WDR20: variants seen among roughly 807,000 people sequenced by gnomAD.
The protein encoded by WDR20 is WD repeat domain 20.
In WDR20, 3 loss-of-function variants were observed where a neutral mutation model predicts 38.7. The ratio of observed to expected loss-of-function variants is 0.08; its 90% CI spans 0.04 to 0.20. The LOEUF (loss-of-function observed/expected upper bound fraction) is 0.20, where lower values mean the gene tolerates loss of function less well. WDR20 is among the 10% of genes least tolerant of loss of function. The pLI, the probability that WDR20 is intolerant of heterozygous loss-of-function variation, is 1.00. For synonymous variants in WDR20, 298 were observed against 285.6 expected (o/e 1.04, Z -0.44); for missense variants, 559 against 727.7 (o/e 0.77, Z 2.67).
upstream of WDR20, chr14:102,139,453 G>T (rs900989896): frequency 6.7e-7 from 1 of 1,490,110 alleles, no homozygotes; most frequent in Non-Finnish European, 8.9e-7. Context: ...AGCGGTGGCC[G>T]TCGGGGTGGC....
In WDR20 at chr14:102,209,038, T is replaced by A. The variant is rs764958247; in HGVS notation, c.868T>A (p.Ser290Thr). Residue 290 changes from serine (S) to threonine (T), a missense_variant, in exon 3 of 3, where the codon TCC becomes ACC. Coordinates refer to ENST00000342702, the MANE Select transcript of WDR20 (RefSeq NM_144574.4). The surrounding 1 kb of genome is among the most constrained non-coding windows in gnomAD (Gnocchi z 6.0). ...GGEDDLVTVW[S>T]FVDCRVIARG... ...GGAGGACGACTTGGTGACAGTCTGG[T>A]CCTTTGTAGACTGCCGAGTAATAGC... is the stretch of plus-strand genomic sequence containing the variant. 3.1e-6 allele frequency: 5 copies of A among 1,614,114 alleles called. No homozygotes were observed.
At chr14:102,216,887 G>A (rs908155858), downstream of WDR20, among the ~76,000 whole-genome samples, 1 of 152,028 alleles carries the variant, frequency 6.6e-6, no homozygotes, top group African/African-American at 2.4e-5. Flanking sequence ...GAGTCGAGAT[G>A]GCGCCACTGC....
At chr14:102,172,720 A>C (rs1409142939) in intron 1 of WDR20, among the ~76,000 whole-genome samples, 6 of 132,140 alleles carry the variant, frequency 4.5e-5, no homozygotes, top group East Asian at 2.3e-4. Flanking sequence ...GCTGACCCCC[A>C]CCTCCCTCCC....
In WDR20 at chr14:102,221,008, C is replaced by T. The variant is rs1246214203; in HGVS notation, c.1693-1822C>T. Among the ~76,000 whole-genome samples the T allele has an allele frequency of 6.6e-6, 1 of 152,218 alleles. No homozygotes were observed. Among genetic ancestry groups the T allele is most frequent in the African/African-American group, 2.4e-5 (1 of 41,458 alleles). Reference sequence around the variant, plus strand: ...TCTCAGACTCCTGGGCTCAAGTAATCTCCCCACCTCAGCCTCCCACAGGGC... The same window carrying T: ...TCTCAGACTCCTGGGCTCAAGTAATTTCCCCACCTCAGCCTCCCACAGGGC... On this transcript the variant is annotated intron_variant, in intron 3 of 3. Transcript: ENST00000335263. The surrounding 1 kb of genome is among the most constrained non-coding windows in gnomAD (Gnocchi z 4.8).
chr14:102,146,554 A>G (rs1263534682), intron 1 of WDR20, among the ~76,000 whole-genome samples: 2 of 152,174 alleles, frequency 1.3e-5, no homozygotes, highest in African/African-American at 4.8e-5. Flanking sequence ...ATCCTGATTA[A>G]AGAAGAAGGT....
intron 1 of WDR20, among the ~76,000 whole-genome samples, chr14:102,173,936 C>G (rs1013126434): frequency 1.3e-5 from 2 of 151,162 alleles, no homozygotes; most frequent in South Asian, 4.2e-4. Context: ...CTCAGCTACT[C>G]GGGAGGCTGA....
chr14:102,192,128 T>A lies in WDR20; in HGVS notation c.250-2810T>A, dbSNP rs2152932953. On this transcript the variant is annotated intron_variant, in intron 1 of 2. Coordinates refer to ENST00000342702, the MANE Select transcript of WDR20 (RefSeq NM_144574.4). ...CAAGAGCAGTGACCTAAGAAGAAAGTTTGTTAAGCAAATTAGTAGAATAAA... is the reference window on the plus strand; with the variant it reads ...CAAGAGCAGTGACCTAAGAAGAAAGATTGTTAAGCAAATTAGTAGAATAAA... Among the ~76,000 whole-genome samples, 5 of 152,190 alleles carry A rather than the reference T, an allele frequency of 3.3e-5. No homozygotes were observed. In the Middle Eastern group the frequency reaches 0.017, roughly 518 times the overall value.
chr14:102,210,480 C>G lies in WDR20; in HGVS notation c.*600C>G. ...CTTAATTTTTAAAACCCATTTTAGT[C>G]ATTTTATGACAATTAAAGTTGTTTA... On this transcript the variant is annotated 3_prime_UTR_variant, in exon 3 of 3. Coordinates refer to ENST00000342702, the MANE Select transcript of WDR20 (RefSeq NM_144574.4). 1 of 985,250 alleles carries G rather than the reference C, an allele frequency of 1.0e-6. No individual in the cohort carries two copies. The highest frequency in any genetic ancestry group is 1.2e-6 in the Non-Finnish European group (1 of 829,774). The allele number at this position is 985,250 out of a possible 1,614,324, so 61.0% of individuals were successfully genotyped here.
chr14:102,151,829 T>G (rs1260036439), intron 1 of WDR20, among the ~76,000 whole-genome samples: 1 of 151,918 alleles, frequency 6.6e-6, no homozygotes, highest in Non-Finnish European at 1.5e-5. Context: ...AGCCTCAACC[T>G]TCTGGGCCCA....
downstream of WDR20, among the ~76,000 whole-genome samples, chr14:102,224,105 A>T (rs866019006): frequency 1.4e-5 from 2 of 145,448 alleles, no homozygotes; most frequent in African/African-American, 2.6e-5. Flanking sequence ...GCAGTGGCGC[A>T]ATCTCGGCTC....
chr14:102,186,950 AG>A (rs1480579496), intron 1 of WDR20, among the ~76,000 whole-genome samples: 1 of 122,830 alleles, frequency 8.1e-6, no homozygotes, highest in Admixed American at 7.1e-5. Context: ...ACTCTGTCTC[AG>A]GAAAAAAAAA....
chr14:102,146,307 GGCACTTGCCAC>G (rs2053634747), intron 1 of WDR20, among the ~76,000 whole-genome samples: 1 of 152,134 alleles, frequency 6.6e-6, no homozygotes, highest in African/African-American at 2.4e-5. Flanking sequence ...TGGGATTACA[GGCACTTGCCAC>G]CATGCCCAGC....
At chr14:102,161,142 A>ATATATATATATATATATATATATTTTTTT in intron 1 of WDR20, among the ~76,000 whole-genome samples, 1 of 16,050 alleles carries the variant, frequency 6.2e-5, no homozygotes, top group Non-Finnish European at 9.5e-5. Context: ...ATATATATAT[A>ATATATATATATATATATATATATTTTTTT]TTTTTTTTTT....
intron 1 of WDR20, among the ~76,000 whole-genome samples, chr14:102,140,938 C>G (rs1476452722): frequency 1.3e-5 from 2 of 152,184 alleles, no homozygotes; most frequent in Non-Finnish European, 1.5e-5. Context: ...TCTTGTCCAA[C>G]AAGTCAGACT....
At chr14:102,172,746 C>T (rs2061177876) in intron 1 of WDR20, among the ~76,000 whole-genome samples, 2 of 149,780 alleles carry the variant, frequency 1.3e-5, no homozygotes, top group South Asian at 2.1e-4. Context: ...GGGCGGCTGC[C>T]GGGCGGAGAC....
In WDR20 at chr14:102,140,160, G is replaced by C; in HGVS notation, c.237G>C (p.Lys79Asn). Residue 79 changes from lysine to asparagine, a missense_variant, in exon 1 of 3, where the codon AAG (lysine) becomes AAC (asparagine). By Grantham distance (94) the Lys-to-Asn change is moderately conservative (BLOSUM62 0). Coordinates refer to ENST00000342702, the MANE Select transcript of WDR20 (RefSeq NM_144574.4). ...GGGAGCTGTACTTCTATATCTACAA[G>C]GGGGTCCGCAAGGTACCGACCCGGG... ...VGRELYFYIY[K>N]GVRKAADLSK... 1 of 1,612,806 alleles carries C rather than the reference G, an allele frequency of 6.2e-7. No individual in the cohort carries two copies. Among genetic ancestry groups the C allele is most frequent in the Non-Finnish European group, 8.5e-7 (1 of 1,179,992 alleles).
rs140182332 is a variant in WDR20, at chr14:102,169,056, G to A, written c.250-25882G>A. 5.8e-4 allele frequency among the ~76,000 whole-genome samples: 88 copies of A among 152,148 alleles called. 1 individual carries two copies. The highest frequency in any genetic ancestry group is 2.0e-3 in the African/African-American group (85 of 41,514). ...TTGATACAGTGCTTTTCCCCTCCCC[G>A]ATTCCCCAGTGTGATTTGCTGCCAC... On this transcript the variant is annotated intron_variant, in intron 1 of 2. Coordinates refer to ENST00000342702, the MANE Select transcript of WDR20 (RefSeq NM_144574.4).
At chr14:102,203,994 A>C (rs986332648) in intron 2 of WDR20, among the ~76,000 whole-genome samples, 1 of 152,192 alleles carries the variant, frequency 6.6e-6, no homozygotes, top group Non-Finnish European at 1.5e-5. Context: ...TGTCAAACCC[A>C]ATCCAAATAA....
At chr14:102,179,766 G>T (rs1002912576) in intron 1 of WDR20, among the ~76,000 whole-genome samples, 1 of 151,926 alleles carries the variant, frequency 6.6e-6, no homozygotes, top group Non-Finnish European at 1.5e-5. Context: ...TTTTTTAAAT[G>T]CTTTGTAAGG....
Sources: gnomAD v4.1 joint callset for allele counts (sites outside exome capture counted in the v4.1 genomes callset) on GRCh38, gnomAD v4.1.1 for gene constraint, Gnocchi (gnomAD v3.1) non-coding constraint, MANE v1.5 for transcripts, NCBI Gene and HGNC (gene_info 2026-07-23, HGNC 2026-07-21) for gene names.